SEMA3A: variants seen among roughly 807,000 people sequenced by gnomAD.
The protein encoded by SEMA3A is semaphorin 3A, also known as semaphorin-3A.
SEMA3A carries 29 observed loss-of-function variants against 97.9 expected under a neutral mutation model. The ratio of observed to expected loss-of-function variants is 0.30; its 90% confidence interval spans 0.22 to 0.40. The LOEUF is 0.40. Among genes scored for constraint, SEMA3A ranks in the 10% least tolerant of loss-of-function variants. The pLI is 1.00. For synonymous variants in SEMA3A, 321 were observed against 323.7 expected, an observed-to-expected ratio of 0.99 and a Z score of 0.09; for missense variants, 763 against 951.3, an observed-to-expected ratio of 0.80 and a Z score of 2.60.
At chr7:84,369,914 C>A (rs1000587463) in intron 2 of SEMA3A, among the ~76,000 whole-genome samples, 5 of 150,656 alleles carry the variant, frequency 3.3e-5, no homozygotes, top group African/African-American at 1.2e-4. Context: ...TTCAGAAATG[C>A]AGCTAGGTAG....
intron 1 of SEMA3A, among the ~76,000 whole-genome samples, chr7:84,394,874 C>T (rs1409580715): frequency 2.0e-5 from 3 of 152,048 alleles, no homozygotes; most frequent in Non-Finnish European, 4.4e-5. Context: ...AAAGCATTCA[C>T]AAAGGTTAGA....
chr7:84,299,980 C>T (rs898003141), intron 3 of SEMA3A, among the ~76,000 whole-genome samples: 7 of 140,780 alleles, frequency 5.0e-5, no homozygotes, highest in Non-Finnish European at 9.1e-5. Context: ...TGTGGTGAGC[C>T]GAGATCATGA....
intron 6 of SEMA3A, among the ~76,000 whole-genome samples, chr7:84,026,539 T>C (rs959193473): frequency 6.6e-6 from 1 of 152,174 alleles, no homozygotes; most frequent in African/African-American, 2.4e-5. Context: ...TAAAGACACA[T>C]GCACATGAAT....
chr7:84,175,377 A>G (rs1297245948), intron 1 of SEMA3A, among the ~76,000 whole-genome samples: 1 of 152,220 alleles, frequency 6.6e-6, no homozygotes, highest in Non-Finnish European at 1.5e-5. Flanking sequence ...TTTAATTAAC[A>G]TTAAAAACAA....
intron 3 of SEMA3A, among the ~76,000 whole-genome samples, chr7:84,293,098 G>A (rs1199771760): frequency 1.3e-5 from 2 of 152,008 alleles, no homozygotes; most frequent in Non-Finnish European, 2.9e-5. Flanking sequence ...TTTGCAGGGT[G>A]ATGGATAAGG....
chr7:84,260,214 C>A (rs141738832), intron 3 of SEMA3A, among the ~76,000 whole-genome samples: 1 of 152,198 alleles, frequency 6.6e-6, no homozygotes, highest in Non-Finnish European at 1.5e-5. Context: ...AAACATTACT[C>A]TCTCCATAAT....
intron 3 of SEMA3A, among the ~76,000 whole-genome samples, chr7:84,121,638 CTTT>C (rs35808952): frequency 1.6e-4 from 2 of 12,872 alleles, no homozygotes; most frequent in Non-Finnish European, 1.3e-4. Context: ...GGTTCCAAGT[CTTT>C]TTTTTTTTTT....
chr7:84,463,818 T>C (rs1805924888), intron 1 of SEMA3A, among the ~76,000 whole-genome samples: 1 of 152,074 alleles, frequency 6.6e-6, no homozygotes, highest in South Asian at 2.1e-4. Flanking sequence ...TCCTTCCTTT[T>C]CCCATAAAAC....
intron 1 of SEMA3A, among the ~76,000 whole-genome samples, chr7:84,483,908 G>A (rs991567035): frequency 6.6e-6 from 1 of 151,894 alleles, no homozygotes; most frequent in Non-Finnish European, 1.5e-5. Flanking sequence ...GCCAGGTGTG[G>A]TGGTGCACGC....
chr7:84,333,210 C>T (rs187450623), intron 2 of SEMA3A, among the ~76,000 whole-genome samples: 1 of 152,200 alleles, frequency 6.6e-6, no homozygotes, highest in Non-Finnish European at 1.5e-5. Flanking sequence ...AAGCACCTAT[C>T]AAGATTTTCA....
chr7:83,975,251 C>G (rs539231067), intron 15 of SEMA3A, among the ~76,000 whole-genome samples: 1 of 152,082 alleles, frequency 6.6e-6, no homozygotes, highest in Non-Finnish European at 1.5e-5. Flanking sequence ...CTAACTGAAT[C>G]TATAAAGGGA....
intron 1 of SEMA3A, among the ~76,000 whole-genome samples, chr7:84,490,979 A>G (rs1806710417): frequency 6.6e-6 from 1 of 152,178 alleles, no homozygotes; most frequent in Non-Finnish European, 1.5e-5. Flanking sequence ...TTTCATGAAG[A>G]ATGACTGTGA....
intron 5 of SEMA3A, among the ~76,000 whole-genome samples, chr7:84,052,871 C>T (rs971185354): frequency 6.6e-5 from 10 of 151,636 alleles, no homozygotes; most frequent in Admixed American, 5.3e-4. Flanking sequence ...TTTCCCTCTA[C>T]ACATCACTTT....
In SEMA3A at chr7:84,102,861, G is replaced by A. The variant is rs140612566; in HGVS notation, c.453+7609C>T. ...CTCCCAAAGTGCTGGGATTACAGGC[G>A]TTGAGTCACTGTGCCCGGCCTTTTA... On this transcript the variant is annotated intron_variant, in intron 4 of 16. Coordinates refer to ENST00000265362, the MANE Select transcript of SEMA3A (RefSeq NM_006080.3). Among the ~76,000 whole-genome samples, 570 of 152,056 alleles carry A rather than the reference G, an allele frequency of 3.7e-3. 3 individuals carry two copies. The highest frequency in any genetic ancestry group is 0.013 in the African/African-American group (528 of 41,508).
At chr7:84,190,786 C>A (rs1266470860) in intron 1 of SEMA3A, among the ~76,000 whole-genome samples, 2 of 149,214 alleles carry the variant, frequency 1.3e-5, no homozygotes, top group Non-Finnish European at 3.0e-5. Flanking sequence ...TTTAAACCAA[C>A]AATTTACGAA....
At position 84,185,780 on chromosome 7, in the gene SEMA3A, A is replaced by G. The variant is rs1007150276; in HGVS notation, c.112+8695T>C. Among the ~76,000 whole-genome samples, 9 of 151,696 alleles carry G rather than the reference A, an allele frequency of 5.9e-5. 1 individual carries two copies. Among genetic ancestry groups the G allele is most frequent in the Admixed American group, 1.3e-4 (2 of 15,232 alleles). On this transcript the variant is annotated intron_variant, in intron 1 of 16. Coordinates refer to ENST00000265362, the MANE Select transcript of SEMA3A (RefSeq NM_006080.3). ...ATCATTATAAATCATTTTATGTTAT[A>G]GTTTTAAAAACTGATAATAAAAGTG...
intron 4 of SEMA3A, among the ~76,000 whole-genome samples, chr7:84,062,164 A>G (rs948392110): frequency 3.3e-5 from 5 of 152,250 alleles, no homozygotes; most frequent in Admixed American, 3.3e-4. Flanking sequence ...CAGTATAGCA[A>G]AATAATATGG....
chr7:84,176,103 C>T (rs1483932335), intron 1 of SEMA3A, among the ~76,000 whole-genome samples: 2 of 152,040 alleles, frequency 1.3e-5, no homozygotes, highest in African/African-American at 4.8e-5. Context: ...TTAGTGGTTT[C>T]CCTTTTTAAT....
chr7:84,461,631 AC>A (rs1805842710), intron 1 of SEMA3A, among the ~76,000 whole-genome samples: 2 of 152,150 alleles, frequency 1.3e-5, no homozygotes, highest in Admixed American at 1.3e-4. Context: ...TAAATTATGT[AC>A]AAACCTTTTG....
Sources: allele counts gnomAD v4.1 joint callset (sites outside exome capture counted in the v4.1 genomes callset), GRCh38; gene constraint gnomAD v4.1.1; transcripts MANE v1.5; gene names NCBI Gene and HGNC (gene_info 2026-07-23, HGNC 2026-07-21).